PLCB4: variants seen among roughly 807,000 people sequenced by gnomAD.
The protein encoded by PLCB4 is phospholipase C beta 4.
Under a neutral mutation model 178.8 loss-of-function variants are expected in PLCB4, and 77 were observed. The observed-to-expected ratio is 0.43, with a 90% CI of 0.36 to 0.52. PLCB4 has a LOEUF of 0.52. PLCB4 is among the 20% of genes least tolerant of loss of function. The pLI, the probability that PLCB4 is intolerant of heterozygous loss-of-function variation, is 0.00. For synonymous variants in PLCB4, 496 were observed against 490.8 expected (o/e 1.01, Z -0.14); for missense variants, 1,024 against 1,453.4 (o/e 0.70, Z 4.80).
chr20:9,440,603 T>A (rs1602739182), intron 30 of PLCB4, among the ~76,000 whole-genome samples: 1 of 152,144 alleles, frequency 6.6e-6, no homozygotes. Context: ...CATTCTGTCA[T>A]CCCAAGCAAG....
At chr20:9,286,398 T>G (rs879276256) in intron 3 of PLCB4, among the ~76,000 whole-genome samples, 2 of 151,948 alleles carry the variant, frequency 1.3e-5, no homozygotes, top group Non-Finnish European at 2.9e-5. Flanking sequence ...AGAGACAGAT[T>G]TAGGTTTGGA....
At chr20:9,372,957 G>T in intron 11 of PLCB4, 90 bp from the exon 12 acceptor site, 1 of 625,758 alleles carries the variant, frequency 1.6e-6, no homozygotes, top group Non-Finnish European at 2.9e-6. Context: ...AATAAGTTTA[G>T]AATTATCATC....
At chr20:9,111,594 T>A (rs896562434) in intron 2 of PLCB4, among the ~76,000 whole-genome samples, 1 of 152,178 alleles carries the variant, frequency 6.6e-6, no homozygotes, top group African/African-American at 2.4e-5. Context: ...CTGACAAACC[T>A]TTAATTTTGG....
At chr20:9,169,321 T>G (rs1438514496) in intron 2 of PLCB4, among the ~76,000 whole-genome samples, 3 of 152,010 alleles carry the variant, frequency 2.0e-5, no homozygotes, top group African/African-American at 7.2e-5. Flanking sequence ...GTAAACACTT[T>G]GCCAGTCTGT....
intron 3 of PLCB4, among the ~76,000 whole-genome samples, chr20:9,234,176 A>G (rs1228044103): frequency 6.6e-6 from 1 of 152,156 alleles, no homozygotes; most frequent in Admixed American, 6.6e-5. Flanking sequence ...TAGGTAGGAA[A>G]TTTACTGAGA....
chr20:9,469,048 A>G (rs985521317), intron 36 of PLCB4, among the ~76,000 whole-genome samples: 3 of 151,952 alleles, frequency 2.0e-5, no homozygotes, highest in Non-Finnish European at 4.4e-5. Flanking sequence ...CAGTGGCACA[A>G]TCTCAGCTCA....
chr20:9,197,886 A>T (rs2093492149), intron 2 of PLCB4, among the ~76,000 whole-genome samples: 1 of 152,148 alleles, frequency 6.6e-6, no homozygotes, highest in African/African-American at 2.4e-5. Context: ...GAGGCAGGAG[A>T]ATTGCTGGAA....
chr20:9,257,364 G>C (rs1020867444), intron 3 of PLCB4, among the ~76,000 whole-genome samples: 1 of 152,176 alleles, frequency 6.6e-6, no homozygotes, highest in Admixed American at 6.6e-5. Flanking sequence ...CTTTAAATGT[G>C]AGTGAAATTT....
chr20:9,225,350 T>A (rs901346262), intron 3 of PLCB4, among the ~76,000 whole-genome samples: 1 of 152,208 alleles, frequency 6.6e-6, no homozygotes, highest in Non-Finnish European at 1.5e-5. Context: ...TGCTTAAGGC[T>A]TGTCTTGGTT....
intron 2 of PLCB4, among the ~76,000 whole-genome samples, chr20:9,168,334 G>T (rs1470639146): frequency 1.3e-5 from 2 of 152,132 alleles, no homozygotes; most frequent in Admixed American, 1.3e-4. Context: ...GGTGTGCAAG[G>T]CTTAATGTTG....
chr20:9,404,967 TCCATAACAAATAC>T (rs1273573311), intron 20 of PLCB4, among the ~76,000 whole-genome samples: 1 of 152,146 alleles, frequency 6.6e-6, no homozygotes, highest in Non-Finnish European at 1.5e-5. Flanking sequence ...CAGCAAACAG[TCCATAACAAATAC>T]CCAGACATGA....
chr20:9,262,332 TGAGA>T (rs138950513), intron 3 of PLCB4, among the ~76,000 whole-genome samples: 1 of 145,818 alleles, frequency 6.9e-6, no homozygotes, highest in East Asian at 2.0e-4. Flanking sequence ...AGTGAGTGAG[TGAGA>T]GAGAGAGAGA....
chr20:9,444,565 C>G (rs1280099138), intron 32 of PLCB4, among the ~76,000 whole-genome samples: 1 of 152,100 alleles, frequency 6.6e-6, no homozygotes, highest in African/African-American at 2.4e-5. Context: ...GAGTTTGAGA[C>G]CAGCCTGACC....
At chr20:9,418,812 C>T (rs1330225741) in intron 25 of PLCB4, among the ~76,000 whole-genome samples, 2 of 152,108 alleles carry the variant, frequency 1.3e-5, no homozygotes, top group African/African-American at 2.4e-5. Flanking sequence ...AAGATGTCTT[C>T]CCATTTATTT....
chr20:9,228,102 G>A (rs1279191787), intron 3 of PLCB4, among the ~76,000 whole-genome samples: 1 of 152,194 alleles, frequency 6.6e-6, no homozygotes, highest in Non-Finnish European at 1.5e-5. Context: ...AGAATTCCAA[G>A]GGGCCATATT....
intron 7 of PLCB4, among the ~76,000 whole-genome samples, chr20:9,356,675 C>T (rs2034852614): frequency 6.6e-6 from 1 of 152,178 alleles, no homozygotes; most frequent in Non-Finnish European, 1.5e-5. Context: ...ACAGAATTCA[C>T]AGTGCCAAGG....
At chr20:9,076,075 C>T (rs1182794144) in intron 1 of PLCB4, among the ~76,000 whole-genome samples, 1 of 152,068 alleles carries the variant, frequency 6.6e-6, no homozygotes, top group African/African-American at 2.4e-5. Context: ...CTTGTTTATT[C>T]TCTCCCTATA....
intron 3 of PLCB4, among the ~76,000 whole-genome samples, chr20:9,254,791 T>C (rs2094217238): frequency 6.6e-6 from 1 of 152,230 alleles, no homozygotes; most frequent in South Asian, 2.1e-4. Flanking sequence ...TAAAATTCCC[T>C]TGAAATGTGG....
At chr20:9,413,605 G>A (rs2040022815) in intron 25 of PLCB4, among the ~76,000 whole-genome samples, 1 of 148,650 alleles carries the variant, frequency 6.7e-6, no homozygotes, top group African/African-American at 2.5e-5. Context: ...CTTACAGTGA[G>A]CCAAGATCGT....
Sources: gnomAD v4.1 joint callset for allele counts (sites outside exome capture counted in the v4.1 genomes callset) on GRCh38, gnomAD v4.1.1 for gene constraint, MANE v1.5 for transcripts, NCBI Gene and HGNC (gene_info 2026-07-23, HGNC 2026-07-21) for gene names.